Variants in ZNF407 observed in about 807,000 individuals in gnomAD.
The protein encoded by ZNF407 is zinc finger protein 407.
Under a neutral mutation model 131.2 loss-of-function variants are expected in ZNF407, and 17 were observed. The ratio of observed to expected loss-of-function variants is 0.13; its 90% CI spans 0.09 to 0.19. ZNF407 has a LOEUF of 0.19. ZNF407 is among the 10% of genes least tolerant of loss of function. The pLI, the probability that ZNF407 is intolerant of heterozygous loss-of-function variation, is 1.00. For synonymous variants in ZNF407, 1,156 were observed against 1,062.0 expected (o/e 1.09, Z -1.72); for missense variants, 2,681 against 2,830.6 (o/e 0.95, Z 1.20).
At chr18:74,944,890 A>G (rs1338295852) in intron 8 of ZNF407, among the ~76,000 whole-genome samples, 4 of 152,214 alleles carry the variant, frequency 2.6e-5, no homozygotes, top group Non-Finnish European at 4.4e-5. Flanking sequence ...AGAATCATGC[A>G]TTCATTCTCT....
At chr18:74,705,670 T>C (rs1195614582) in intron 3 of ZNF407, among the ~76,000 whole-genome samples, 2 of 152,212 alleles carry the variant, frequency 1.3e-5, no homozygotes, top group Admixed American at 1.3e-4. Context: ...TTTTTGTCCT[T>C]TATTAACGAT....
At chr18:74,851,436 C>G (rs1333178053) in intron 4 of ZNF407, among the ~76,000 whole-genome samples, 1 of 152,088 alleles carries the variant, frequency 6.6e-6, no homozygotes, top group Non-Finnish European at 1.5e-5. Context: ...TGAGTGGTTA[C>G]ACATTTATGT....
intron 8 of ZNF407, among the ~76,000 whole-genome samples, chr18:74,986,142 A>C (rs1415902072): frequency 6.6e-6 from 1 of 152,110 alleles, no homozygotes; most frequent in African/African-American, 2.4e-5. Flanking sequence ...CCCTCACAGC[A>C]CACAGCAGTT....
intron 3 of ZNF407, among the ~76,000 whole-genome samples, chr18:74,770,747 G>A (rs1479973945): frequency 6.6e-6 from 1 of 152,108 alleles, no homozygotes; most frequent in Non-Finnish European, 1.5e-5. Context: ...ATGTGTGTGT[G>A]GGGTGTGTAT....
At chr18:74,846,201 T>C (rs1272596884) in intron 4 of ZNF407, among the ~76,000 whole-genome samples, 1 of 152,184 alleles carries the variant, frequency 6.6e-6, no homozygotes, top group East Asian at 1.9e-4. Context: ...GGTCACAGAA[T>C]TAGAAATTAT....
At chr18:74,749,867 A>G (rs775747138) in intron 3 of ZNF407, among the ~76,000 whole-genome samples, 1 of 152,202 alleles carries the variant, frequency 6.6e-6, no homozygotes, top group Admixed American at 6.5e-5. Flanking sequence ...AAGAAGTATG[A>G]TAAGTTATTG....
chr18:74,948,840 AAATTAGAGTT>A (rs1166042107), intron 8 of ZNF407, among the ~76,000 whole-genome samples: 1 of 152,238 alleles, frequency 6.6e-6, no homozygotes, highest in African/African-American at 2.4e-5. Flanking sequence ...ATAAGATTTC[AAATTAGAGTT>A]AATGTATTCC....
intron 8 of ZNF407, among the ~76,000 whole-genome samples, chr18:74,932,565 CTT>C (rs1187778038): frequency 6.6e-6 from 1 of 152,136 alleles, no homozygotes; most frequent in African/African-American, 2.4e-5. Flanking sequence ...TGACTTTTGA[CTT>C]AGCCTGATAT....
intron 3 of ZNF407, among the ~76,000 whole-genome samples, chr18:74,653,692 C>T (rs963032734): frequency 7.9e-5 from 12 of 151,516 alleles, no homozygotes; most frequent in Admixed American, 2.0e-4. Flanking sequence ...TACAAAATAG[C>T]GATACTACAA....
Position 74,631,209 on chromosome 18 carries a change from A to T in ZNF407, c.190A>T (p.Ile64Leu). The stretch of plus-strand genomic sequence containing the variant: ...ATCATCGAACTCTGATAGTGTTGTT[A>T]TAGGAGAAGACAGAAATAAACATGC... ...SESSNSDSVVIGEDRNKHASK... is the reference protein window; with the variant it reads ...SESSNSDSVVLGEDRNKHASK... Residue 64 changes from isoleucine to leucine, a missense_variant, in exon 2 of 9, where the codon ATA (isoleucine) becomes TTA (leucine). Transcript: ENST00000299687. The T allele has an allele frequency of 1.2e-6, 2 of 1,614,026 alleles. No homozygotes were observed. Among genetic ancestry groups the T allele is most frequent in the Non-Finnish European group, 1.7e-6 (2 of 1,179,886 alleles).
At chr18:74,812,254 A>G (rs1361258108) in intron 4 of ZNF407, among the ~76,000 whole-genome samples, 10 of 152,310 alleles carry the variant, frequency 6.6e-5, no homozygotes, top group Non-Finnish European at 1.5e-4. Context: ...GTGAAAGGAA[A>G]TAATATTTAT....
intron 4 of ZNF407, among the ~76,000 whole-genome samples, chr18:74,820,750 C>T (rs966964020): frequency 2.6e-5 from 4 of 152,144 alleles, no homozygotes; most frequent in African/African-American, 9.7e-5. Flanking sequence ...TTCACTGCCT[C>T]AGATTGGGAC....
intron 8 of ZNF407, among the ~76,000 whole-genome samples, chr18:75,005,480 T>G (rs903627016): frequency 6.6e-6 from 1 of 152,078 alleles, no homozygotes; most frequent in African/African-American, 2.4e-5. Flanking sequence ...CTTGAGAGAT[T>G]TACAAATATA....
Position 74,920,526 on chromosome 18 carries a change from T to A in ZNF407, c.5262T>A (p.Ala1754=). Residue 1754 remains alanine (A), a synonymous_variant, in exon 8 of 9, where the codon GCT becomes GCA. Coordinates refer to ENST00000299687, the MANE Select transcript of ZNF407 (RefSeq NM_017757.3). The part of the protein sequence containing the change: ...CPWCDYRSNC[A]ENIRKHILHT... ...TCTTACTTGGTAGGTCAAACTGTGC[T>A]GAAAATATCCGCAAACACATTCTGC... 3 of 1,581,050 alleles carry A rather than the reference T, an allele frequency of 1.9e-6. No homozygotes were observed. The highest frequency in any genetic ancestry group is 2.6e-6 in the Non-Finnish European group (3 of 1,153,756).
intron 3 of ZNF407, among the ~76,000 whole-genome samples, chr18:74,659,392 T>C (rs942534391): frequency 1.3e-5 from 2 of 152,172 alleles, no homozygotes; most frequent in African/African-American, 4.8e-5. Context: ...GTAAAAAAGA[T>C]ACATTTATGT....
chr18:74,879,624 C>CT (rs1971211327), intron 5 of ZNF407, among the ~76,000 whole-genome samples: 1 of 152,094 alleles, frequency 6.6e-6, no homozygotes, highest in African/African-American at 2.4e-5. Context: ...CCCATCTACT[C>CT]TATTCTTTCT....
intron 4 of ZNF407, among the ~76,000 whole-genome samples, chr18:74,873,597 C>G (rs916796373): frequency 2.0e-5 from 3 of 151,998 alleles, no homozygotes; most frequent in Admixed American, 1.3e-4. Flanking sequence ...TGAGGTGGCT[C>G]AAGCCTGTAA....
chr18:74,755,582 G>GTTTTTTTTTTTTTTTTT (rs541126314), intron 3 of ZNF407, among the ~76,000 whole-genome samples: 5 of 87,338 alleles, frequency 5.7e-5, no homozygotes, highest in African/African-American at 2.8e-4. Context: ...CTCCTTTCTG[G>GTTTTTTTTTTTTTTTTT]TTTTTTTTTT....
chr18:74,627,839 C>T (rs1390906924), intron 1 of ZNF407, among the ~76,000 whole-genome samples: 16 of 132,862 alleles, frequency 1.2e-4, no homozygotes, highest in African/African-American at 4.5e-4. Context: ...CTGCCCCGCC[C>T]CACCCCGCCC....
Sources: gnomAD v4.1 joint callset for allele counts (sites outside exome capture counted in the v4.1 genomes callset) on GRCh38, gnomAD v4.1.1 for gene constraint, MANE v1.5 for transcripts, NCBI Gene and HGNC (gene_info 2026-07-23, HGNC 2026-07-21) for gene names.